The following METTL6 variants were observed in gnomAD, a reference collection of about 807,000 sequenced individuals.
METTL6 encodes the protein methyltransferase 6, tRNA N3-cytidine.
Under a neutral mutation model 26.4 loss-of-function variants are expected in METTL6, and 22 were observed. The observed-to-expected ratio is 0.83, with a 90% confidence interval of 0.59 to 1.19. METTL6 has a LOEUF of 1.19. Among genes scored for constraint, METTL6 ranks in the 50% most tolerant of loss-of-function variants. The pLI is 0.00. For missense variants in METTL6, 304 were observed against 324.8 expected (o/e 0.94, Z 0.49); for synonymous variants, 109 against 116.2 (o/e 0.94, Z 0.40).
intron 6 of METTL6, among the ~76,000 whole-genome samples, chr3:15,395,639 G>A (rs1198217405): frequency 6.6e-5 from 10 of 152,108 alleles, no homozygotes; most frequent in South Asian, 2.1e-4. Context: ...GGCTGGTACC[G>A]GTTGTTCCTT....
Position 15,426,420 on chromosome 3 carries a change from T to G in METTL6, c.92A>C (p.Asp31Ala), listed in dbSNP as rs777354223. Residue 31 changes from aspartate (D) to alanine (A), a missense_variant, in exon 2 of 6, where the codon GAT becomes GCT. Physicochemically the swap from Asp to Ala is moderately radical, Grantham distance 126. Coordinates refer to ENST00000383790, the MANE Select transcript of METTL6 (RefSeq NM_152396.4). Reference sequence around the variant, plus strand: ...TTGTTCCAATTTCTGCTGTTTAAAATCAGACACCAAAGTTTGGTCTCTTTT... The same window carrying G: ...TTGTTCCAATTTCTGCTGTTTAAAAGCAGACACCAAAGTTTGGTCTCTTTT... ...KLKRDQTLVS[D>A]FKQQKLEQEA... is the part of the protein sequence containing the mutation. 6.2e-7 allele frequency: 1 copy of G among 1,614,242 alleles called. No individual in the cohort carries two copies. Among genetic ancestry groups the G allele is most frequent in the Admixed American group, 1.7e-5 (1 of 60,032 alleles).
intron 2 of METTL6, 99 bp downstream of exon 2, chr3:15,426,188 C>T: frequency 8.6e-7 from 1 of 1,169,068 alleles, no homozygotes; most frequent in Non-Finnish European, 1.2e-6. Flanking sequence ...ATCCGCCTGC[C>T]TTGGCCTCCC....
downstream of METTL6, among the ~76,000 whole-genome samples, chr3:15,407,126 C>T (rs573108675): frequency 1.6e-4 from 24 of 152,142 alleles, no homozygotes; most frequent in East Asian, 1.3e-3. Flanking sequence ...AAGTGAGCCT[C>T]GGCCTCTCAA....
chr3:15,426,388 G>T lies in METTL6; in HGVS notation c.124C>A (p.Gln42Lys). ...TTGTAAAAAAGATCCCAATTTTTCT[G>T]AGCCTCTTGTTCCAATTTCTGCTGT... is the stretch of plus-strand genomic sequence containing the variant. ...FKQQKLEQEA[Q>K]KNWDLFYKRN... is the part of the protein sequence containing the mutation. The change falls in exon 2 of 6, where the codon CAG becomes AAG. Residue 42 changes from glutamine (Q) to lysine (K), a missense_variant. By Grantham distance (53) the Gln-to-Lys change is moderately conservative (BLOSUM62 1). Transcript: ENST00000383790. 6.2e-7 allele frequency: 1 copy of T among 1,614,204 alleles called. No homozygotes were observed. Among genetic ancestry groups the T allele is most frequent in the Non-Finnish European group, 8.5e-7 (1 of 1,180,038 alleles).
chr3:15,398,318 C>G (rs1023830724), intron 6 of METTL6, among the ~76,000 whole-genome samples: 2 of 152,120 alleles, frequency 1.3e-5, no homozygotes, highest in African/African-American at 4.8e-5. Flanking sequence ...CTCAGCCTCC[C>G]AAGTAGCTGG....
At chr3:15,421,867 G>A (rs992577311) in intron 3 of METTL6, among the ~76,000 whole-genome samples, 3 of 152,156 alleles carry the variant, frequency 2.0e-5, no homozygotes, top group South Asian at 2.1e-4. Context: ...AGCCGAGATC[G>A]TGCCACTGCA....
intron 6 of METTL6, among the ~76,000 whole-genome samples, chr3:15,387,801 C>T (rs573087251): frequency 6.7e-6 from 1 of 149,094 alleles, no homozygotes; most frequent in African/African-American, 2.5e-5. Flanking sequence ...GTAAATCGTT[C>T]TCTTTGAAAA....
chr3:15,402,564 T>C (rs1222830842), intron 6 of METTL6, among the ~76,000 whole-genome samples: 2 of 151,596 alleles, frequency 1.3e-5, no homozygotes, highest in East Asian at 1.9e-4. Context: ...TGAAACCCCC[T>C]CTCCACTAAA....
chr3:15,387,965 A>G (rs1388213959), intron 6 of METTL6, among the ~76,000 whole-genome samples: 1 of 152,054 alleles, frequency 6.6e-6, no homozygotes, highest in African/African-American at 2.4e-5. Flanking sequence ...GCCTAGACAG[A>G]GCCAATTTAT....
chr3:15,405,556 A>G (rs140935072), downstream of METTL6, among the ~76,000 whole-genome samples: 694 of 152,372 alleles, frequency 4.6e-3, 4 homozygotes, highest in African/African-American at 0.016. Context: ...CAATAAAAAA[A>G]GAACACTATG....
chr3:15,389,836 CCG>C (rs1182309256), intron 6 of METTL6, among the ~76,000 whole-genome samples: 1 of 149,770 alleles, frequency 6.7e-6, no homozygotes, highest in Admixed American at 6.7e-5. Context: ...GCATACGCCA[CCG>C]CGCCCGGCCA....
At chr3:15,409,717 C>T (rs895722772), downstream of METTL6, among the ~76,000 whole-genome samples, 2 of 152,068 alleles carry the variant, frequency 1.3e-5, no homozygotes, top group Admixed American at 6.5e-5. Flanking sequence ...AAGGAACTGG[C>T]CCAGTGATAA....
At position 15,417,165 on chromosome 3, in the gene METTL6, T is replaced by TA. The variant is rs540861448; in HGVS notation, c.361-1224dup. Among the ~76,000 whole-genome samples the TA allele has an allele frequency of 5.6e-3, 849 of 151,964 alleles. 7 individuals carry two copies. The highest frequency in any genetic ancestry group is 0.018 in the African/African-American group (761 of 41,426). On this transcript the variant is annotated intron_variant, in intron 3 of 5. Coordinates refer to ENST00000383790, the MANE Select transcript of METTL6 (RefSeq NM_152396.4). ...GGAAAACAGAGCAAGATCTCATCTT[T>TA]AAAAAAATAGGCCAGGTGCGGTGGC...
chr3:15,426,690 G>A, intron 1 of METTL6, 55 bp from the exon 2 acceptor site: 2 of 615,112 alleles, frequency 3.3e-6, no homozygotes, highest in Middle Eastern at 4.3e-4. Flanking sequence ...AAGACGCCAG[G>A]TTCAATTCAC....
At chr3:15,418,386 T>C (rs1306406548) in intron 3 of METTL6, among the ~76,000 whole-genome samples, 2 of 151,956 alleles carry the variant, frequency 1.3e-5, no homozygotes, top group Non-Finnish European at 2.9e-5. Context: ...AAACCAAAAA[T>C]ATGGTAAAAG....
downstream of METTL6, among the ~76,000 whole-genome samples, chr3:15,408,932 T>A (rs1420172336): frequency 6.6e-6 from 1 of 152,076 alleles, no homozygotes; most frequent in East Asian, 1.9e-4. Flanking sequence ...TGAAGCTGGC[T>A]GTGGGATTCA....
rs773611520 is a variant in METTL6, at chr3:15,411,305, G to A, written c.806C>T (p.Pro269Leu). ...GACCACAGGAGATGGGTTCTTAGGA[G>A]GCTTTAGAAATTTGCTCTGAAGGAA... ...RVFLQSKFLKPPKNPSPVVLG... is the reference protein window; with the variant it reads ...RVFLQSKFLKLPKNPSPVVLG... The change falls in exon 6 of 6, where the codon CCT becomes CTT. Residue 269 changes from proline (P) to leucine (L), a missense_variant. Transcript: ENST00000383790. 2 of 1,614,218 alleles carry A rather than the reference G, an allele frequency of 1.2e-6. No individual in the cohort carries two copies. Among genetic ancestry groups the A allele is most frequent in the South Asian group, 2.2e-5 (2 of 91,088 alleles).
intron 3 of METTL6, among the ~76,000 whole-genome samples, chr3:15,420,671 C>G (rs1435939609): frequency 6.6e-6 from 1 of 151,984 alleles, no homozygotes; most frequent in African/African-American, 2.4e-5. Context: ...ACAAATGAGC[C>G]CTAATTTACA....
chr3:15,425,945 A>AT (rs947194046), intron 2 of METTL6, among the ~76,000 whole-genome samples: 3 of 151,156 alleles, frequency 2.0e-5, no homozygotes, highest in Admixed American at 6.6e-5. Context: ...ACCTCTTCAC[A>AT]TTTTTTTTTC....
Sources: allele counts gnomAD v4.1 joint callset (sites outside exome capture counted in the v4.1 genomes callset), GRCh38; gene constraint gnomAD v4.1.1; transcripts MANE v1.5; gene names NCBI Gene and HGNC (gene_info 2026-07-23, HGNC 2026-07-21).